ANKRD44: variants seen among roughly 807,000 people sequenced by gnomAD.
ANKRD44 encodes the protein ankyrin repeat domain 44.
ANKRD44 carries 35 observed loss-of-function variants against 116.0 expected under a neutral mutation model. That is an observed-to-expected ratio of 0.30 (90% confidence interval 0.23 to 0.40). The LOEUF is 0.40. Among genes scored for constraint, ANKRD44 ranks in the 10% least tolerant of loss-of-function variants. ANKRD44 has a pLI of 1.00. For synonymous variants in ANKRD44, 435 were observed against 461.8 expected, an observed-to-expected ratio of 0.94 and a Z score of 0.74; for missense variants, 1,014 against 1,242.6, an observed-to-expected ratio of 0.82 and a Z score of 2.77.
chr2:197,067,116 C>A (rs927647364), intron 16 of ANKRD44, among the ~76,000 whole-genome samples: 1 of 152,144 alleles, frequency 6.6e-6, no homozygotes, highest in Non-Finnish European at 1.5e-5. Context: ...ACAGAGCCCT[C>A]AGAAATAATA....
intron 1 of ANKRD44, among the ~76,000 whole-genome samples, chr2:197,241,080 C>T (rs1574341149): frequency 1.3e-5 from 2 of 152,228 alleles, no homozygotes; most frequent in South Asian, 4.2e-4. Flanking sequence ...GGCACATCTT[C>T]TCTCTTTTTG....
At chr2:197,242,838 A>G (rs1342478732) in intron 1 of ANKRD44, among the ~76,000 whole-genome samples, 1 of 152,210 alleles carries the variant, frequency 6.6e-6, no homozygotes, top group African/African-American at 2.4e-5. Flanking sequence ...TACAGCCCAA[A>G]GGGGAGAAAC....
intron 16 of ANKRD44, among the ~76,000 whole-genome samples, chr2:197,033,606 TA>T (rs2076748988): frequency 6.6e-6 from 1 of 151,764 alleles, no homozygotes; most frequent in Admixed American, 6.6e-5. Flanking sequence ...TTTCCCCTGA[TA>T]TTTCACAAAC....
chr2:197,175,093 T>C (rs925824746), intron 2 of ANKRD44, among the ~76,000 whole-genome samples: 18 of 152,216 alleles, frequency 1.2e-4, no homozygotes, highest in African/African-American at 4.3e-4. Context: ...TAAAAAAAGA[T>C]TTTTTTAAAC....
At chr2:197,263,607 C>A in intron 1 of ANKRD44, 1 of 210,148 alleles carries the variant, frequency 4.8e-6, no homozygotes. Flanking sequence ...TTTCCTGCAC[C>A]TCCCCAGATG....
intron 1 of ANKRD44, among the ~76,000 whole-genome samples, chr2:197,202,503 A>G (rs1395299210): frequency 6.6e-6 from 1 of 152,150 alleles, no homozygotes; most frequent in Admixed American, 6.5e-5. Context: ...CAGGGGAAGT[A>G]GCAGGACCAA....
chr2:197,061,571 C>T (rs1187202603), intron 16 of ANKRD44, among the ~76,000 whole-genome samples: 7 of 152,196 alleles, frequency 4.6e-5, no homozygotes, highest in South Asian at 4.1e-4. Context: ...TCATGGGAAA[C>T]ATGCTGAAAG....
intron 4 of ANKRD44, among the ~76,000 whole-genome samples, chr2:197,128,528 T>C (rs1385576432): frequency 2.0e-5 from 3 of 152,254 alleles, no homozygotes; most frequent in African/African-American, 4.8e-5. Flanking sequence ...TTGTAGACTC[T>C]GGATATTAGA....
At chr2:197,222,797 T>C (rs1184053503) in intron 1 of ANKRD44, among the ~76,000 whole-genome samples, 1 of 148,856 alleles carries the variant, frequency 6.7e-6, no homozygotes, top group Non-Finnish European at 1.5e-5. Flanking sequence ...GATTTATTTA[T>C]TTTATTTATT....
intron 8 of ANKRD44, among the ~76,000 whole-genome samples, chr2:197,111,365 G>A (rs4395261): frequency 0.63 from 95,475 of 152,126 alleles, 33,868 homozygotes; most frequent in East Asian, 0.95. Flanking sequence ...ACCTGAGGCC[G>A]GTCGTGGTGG....
chr2:197,245,332 A>G (rs142592591), intron 1 of ANKRD44, among the ~76,000 whole-genome samples: 1 of 152,322 alleles, frequency 6.6e-6, no homozygotes, highest in African/African-American at 2.4e-5. Flanking sequence ...TGTATTAGGT[A>G]TTATAAGCAA....
At chr2:197,250,670 A>C (rs924589025) in intron 1 of ANKRD44, among the ~76,000 whole-genome samples, 2 of 152,236 alleles carry the variant, frequency 1.3e-5, no homozygotes, top group African/African-American at 4.8e-5. Context: ...AATTCTCACT[A>C]GCTAGAGGCC....
intron 21 of ANKRD44, among the ~76,000 whole-genome samples, chr2:196,968,815 C>T (rs1237783355): frequency 2.6e-5 from 4 of 152,176 alleles, no homozygotes; most frequent in African/African-American, 4.8e-5. Context: ...ATCACTTTTA[C>T]TATTGTCTTT....
At chr2:197,143,788 T>C (rs969895939) in intron 3 of ANKRD44, among the ~76,000 whole-genome samples, 5 of 152,112 alleles carry the variant, frequency 3.3e-5, no homozygotes, top group African/African-American at 9.6e-5. Context: ...CACCACCACA[T>C]TCAGCTAATT....
intron 1 of ANKRD44, among the ~76,000 whole-genome samples, chr2:197,205,871 A>G (rs1302377595): frequency 1.3e-5 from 2 of 152,198 alleles, no homozygotes; most frequent in Non-Finnish European, 2.9e-5. Context: ...AAGGTGTAAC[A>G]TCTACAGAGA....
chr2:197,242,048 TA>T (rs1307000218), intron 1 of ANKRD44, among the ~76,000 whole-genome samples: 1 of 152,180 alleles, frequency 6.6e-6, no homozygotes, highest in African/African-American at 2.4e-5. Context: ...GCATTATAAG[TA>T]AAACTTTATC....
intron 6 of ANKRD44, among the ~76,000 whole-genome samples, chr2:197,125,154 C>T (rs1017088159): frequency 6.6e-6 from 1 of 152,250 alleles, no homozygotes; most frequent in African/African-American, 2.4e-5. Flanking sequence ...AGGCCCAAGC[C>T]ATGATTCATT....
chr2:197,130,947 A>G (rs1209309556), intron 4 of ANKRD44, among the ~76,000 whole-genome samples: 2 of 152,230 alleles, frequency 1.3e-5, no homozygotes, highest in Non-Finnish European at 2.9e-5. Flanking sequence ...AACAGGCTCC[A>G]TAAGGGTGCT....
In ANKRD44 at chr2:196,971,752, C is replaced by T. The variant is rs112120507; in HGVS notation, c.2369-4306G>A. On this transcript the variant is annotated intron_variant, in intron 21 of 21. Coordinates refer to the ANKRD44 transcript ENST00000424317. The stretch of plus-strand genomic sequence containing the variant: ...TGCTAGTAAAACTCTTAGACCTGGG[C>T]CCCCTGCTAGAAGACAATTGCCCTG... 1.0e-3 allele frequency among the ~76,000 whole-genome samples: 154 copies of T among 152,260 alleles called. 1 individual carries two copies. The highest frequency in any genetic ancestry group is 1.9e-3 in the Non-Finnish European group (128 of 68,020).
Sources: allele counts gnomAD v4.1 joint callset (sites outside exome capture counted in the v4.1 genomes callset), GRCh38; gene constraint gnomAD v4.1.1; transcripts MANE v1.5; gene names NCBI Gene and HGNC (gene_info 2026-07-23, HGNC 2026-07-21).